Variants in FOCAD observed in about 807,000 individuals in gnomAD.
FOCAD encodes the protein KIAA1797.
A neutral mutation model predicts 225.6 loss-of-function variants in FOCAD; 198 were observed. The ratio of observed to expected loss-of-function variants is 0.88; its 90% CI spans 0.78 to 0.99. The LOEUF (loss-of-function observed/expected upper bound fraction) is 0.99. Among genes scored for constraint, FOCAD ranks in the 50% least tolerant of loss-of-function variants. The pLI, the probability that FOCAD is intolerant of heterozygous loss-of-function variation, is 0.00. For synonymous variants in FOCAD, 897 were observed against 755.0 expected (o/e 1.19, Z -3.08); for missense variants, 2,713 against 2,123.6 (o/e 1.28, Z -5.46).
chr9:20,834,390 C>T (rs571729600), intron 15 of FOCAD, among the ~76,000 whole-genome samples: 68 of 152,116 alleles, frequency 4.5e-4, no homozygotes, highest in Middle Eastern at 6.8e-3. Context: ...GAGCAAGCAT[C>T]GCACACGTTT....
intron 23 of FOCAD, among the ~76,000 whole-genome samples, chr9:20,913,395 G>A (rs1413676428): frequency 6.6e-6 from 1 of 151,962 alleles, no homozygotes. Flanking sequence ...CGTGTCATGG[G>A]TTTAATTTCT....
intron 18 of FOCAD, chr9:20,872,783 CT>C (rs943116882): frequency 4.6e-5 from 7 of 152,056 alleles, no homozygotes; most frequent in African/African-American, 1.4e-4. Context: ...ATTTTCCCCC[CT>C]GAAAGAAACT....
At chr9:20,819,744 A>G (rs1259366118) in intron 11 of FOCAD, 52 bp from the exon 12 acceptor site, 7 of 937,404 alleles carry the variant, frequency 7.5e-6, no homozygotes, top group Admixed American at 2.6e-5. Flanking sequence ...TCCATTATAT[A>G]TTACTTTTTT....
At chr9:20,912,316 A>AT (rs1185669044) in intron 22 of FOCAD, among the ~76,000 whole-genome samples, 1 of 151,946 alleles carries the variant, frequency 6.6e-6, no homozygotes, top group Non-Finnish European at 1.5e-5. Flanking sequence ...TGTTAGCAAT[A>AT]TTTTTTTTCA....
rs369864324 is a variant in FOCAD at position 20,761,043 on chromosome 9, A to G, written c.494+2852A>G. Among the ~76,000 whole-genome samples, 4 of 151,872 alleles carry G rather than the reference A, an allele frequency of 2.6e-5. No homozygotes were observed. In the South Asian group the frequency reaches 8.3e-4, roughly 32 times the overall value. On this transcript the variant is annotated intron_variant, in intron 6 of 43. Transcript: ENST00000338382. The stretch of plus-strand genomic sequence containing the variant: ...TTTGGGGGGGGGCGTTACAATTATT[A>G]TTATTTTTAAGAGATTGGGAGTCTG...
rs1310752428 is a variant in FOCAD, at chr9:20,717,864, A to G, written c.128A>G (p.Asn43Ser). The part of the protein sequence containing the change: ...GFSEKIHQST[N>S]QTPALNLLWE... ...TCAGAAAAGATTCACCAATCTACAA[A>G]TCAGGTCTGTGTTTAACTTTATGCT... Residue 43 changes from asparagine (N) to serine (S), a missense_variant, in exon 3 of 44, where the codon AAT becomes AGT. Physicochemically the swap from Asn to Ser is conservative, Grantham distance 46. Coordinates refer to ENST00000338382, the MANE Select transcript of FOCAD (RefSeq NM_001375567.1). 1.2e-6 allele frequency: 2 copies of G among 1,611,608 alleles called. No individual in the cohort carries two copies. Among genetic ancestry groups the G allele is most frequent in the Admixed American group, 1.7e-5 (1 of 60,000 alleles).
At chr9:20,780,789 G>A (rs943929229) in intron 9 of FOCAD, among the ~76,000 whole-genome samples, 10 of 152,040 alleles carry the variant, frequency 6.6e-5, no homozygotes, top group Non-Finnish European at 2.9e-5. Context: ...TAAAGATAAT[G>A]GATTTTCATA....
chr9:20,659,286 A>G (rs529431163), intron 2 of FOCAD, among the ~76,000 whole-genome samples: 12 of 149,742 alleles, frequency 8.0e-5, no homozygotes, highest in African/African-American at 2.9e-4. Flanking sequence ...GTGTGCCTGT[A>G]GTTCCAGCTA....
intron 15 of FOCAD, among the ~76,000 whole-genome samples, chr9:20,823,984 C>T (rs964527733): frequency 5.3e-5 from 8 of 152,052 alleles, no homozygotes; most frequent in Admixed American, 3.9e-4. Flanking sequence ...TAGATATTTA[C>T]GCCGGATCTT....
intron 28 of FOCAD, among the ~76,000 whole-genome samples, chr9:20,934,867 A>C (rs998322557): frequency 4.0e-5 from 6 of 148,990 alleles, no homozygotes; most frequent in African/African-American, 7.4e-5. Flanking sequence ...CCTTTTTTTT[A>C]CAATAGCTGC....
At chr9:20,685,605 G>A (rs1432648233) in intron 1 of FOCAD, among the ~76,000 whole-genome samples, 1 of 152,088 alleles carries the variant, frequency 6.6e-6, no homozygotes, top group African/African-American at 2.4e-5. Flanking sequence ...ACATACAAAG[G>A]TATGATATTG....
rs117144553 is a variant in FOCAD, at chr9:20,807,277, T to C, written c.1456-12519T>C. ...GTTCCTTGCCCCTCTGGGGCTATCA[T>C]CATATTTTATTCTCCAAGTGCATCA... is the stretch of plus-strand genomic sequence containing the variant. On this transcript the variant is annotated intron_variant, in intron 11 of 43. Transcript: ENST00000338382. 1.4e-4 allele frequency among the ~76,000 whole-genome samples: 22 copies of C among 152,382 alleles called. 1 individual carries two copies. The East Asian group carries it at 4.0e-3, about 28-fold the overall frequency.
At chr9:20,946,597 A>G (rs1366006475) in intron 29 of FOCAD, 104 bp from the exon 30 acceptor site, 39 of 1,304,124 alleles carry the variant, frequency 3.0e-5, no homozygotes, top group East Asian at 7.2e-5. Context: ...TGTGAATCCA[A>G]TTCTTACTCT....
chr9:20,869,525 G>A (rs1829583867), intron 18 of FOCAD, among the ~76,000 whole-genome samples: 1 of 152,068 alleles, frequency 6.6e-6, no homozygotes, highest in Non-Finnish European at 1.5e-5. Flanking sequence ...AGAGTAAGAG[G>A]ATTGGCAGAT....
chr9:20,924,314 A>G (rs141816779), intron 25 of FOCAD, among the ~76,000 whole-genome samples: 13 of 152,332 alleles, frequency 8.5e-5, no homozygotes, highest in African/African-American at 3.1e-4. Flanking sequence ...ATTATCTGGT[A>G]GCTGTCATCA....
intron 34 of FOCAD, among the ~76,000 whole-genome samples, chr9:20,951,897 A>T (rs1448689178): frequency 6.6e-6 from 1 of 152,204 alleles, no homozygotes; most frequent in Non-Finnish European, 1.5e-5. Flanking sequence ...ACTTAGTTTT[A>T]CTTACCCACT....
intron 41 of FOCAD, among the ~76,000 whole-genome samples, chr9:20,988,660 G>A (rs562527988): frequency 2.4e-4 from 37 of 152,038 alleles, no homozygotes; most frequent in African/African-American, 8.9e-4. Flanking sequence ...CAAGAAAACT[G>A]GTATTCTTAC....
intron 21 of FOCAD, among the ~76,000 whole-genome samples, chr9:20,901,687 T>A (rs1042787202): frequency 2.0e-5 from 3 of 146,866 alleles, no homozygotes; most frequent in Non-Finnish European, 3.0e-5. Flanking sequence ...CTCCCATCAT[T>A]CCCCTACAAT....
At chr9:20,705,924 GTTTTTTTTTTT>G (rs59407171) in intron 1 of FOCAD, among the ~76,000 whole-genome samples, 69 of 106,912 alleles carry the variant, frequency 6.5e-4, no homozygotes, top group East Asian at 8.9e-4. Context: ...TCAGTTTTAA[GTTTTTTTTTTT>G]TTTTTTTTTT....
Sources: gnomAD v4.1 joint callset for allele counts (sites outside exome capture counted in the v4.1 genomes callset) on GRCh38, gnomAD v4.1.1 for gene constraint, MANE v1.5 for transcripts, NCBI Gene and HGNC (gene_info 2026-07-23, HGNC 2026-07-21) for gene names.